Variants in C6orf89 observed in about 807,000 individuals in gnomAD.
C6orf89 encodes bombesin receptor-activated protein C6orf89.
C6orf89 carries 29 observed loss-of-function variants against 40.7 expected under a neutral mutation model. The observed-to-expected ratio is 0.71, with a 90% CI of 0.53 to 0.97. C6orf89 has a LOEUF of 0.97. C6orf89 is among the 50% of genes least tolerant of loss of function. The pLI, the probability that C6orf89 is intolerant of heterozygous loss-of-function variation, is 0.00. For synonymous variants in C6orf89, 165 were observed against 152.2 expected, an observed-to-expected ratio of 1.08 and a Z score of -0.62; for missense variants, 392 against 429.1, an observed-to-expected ratio of 0.91 and a Z score of 0.76.
At chr6:36,876,739 A>AAAGAAG (rs1175385246) in intron 1 of C6orf89, among the ~76,000 whole-genome samples, 1 of 125,536 alleles carries the variant, frequency 8.0e-6, no homozygotes, top group Non-Finnish European at 1.8e-5. Flanking sequence ...AAAAAAAAAA[A>AAAGAAG]AAGAAGAAGA....
intron 7 of C6orf89, among the ~76,000 whole-genome samples, chr6:36,916,974 G>A (rs937136218): frequency 6.6e-5 from 10 of 152,132 alleles, no homozygotes; most frequent in African/African-American, 2.4e-4. Context: ...CACTTGGGGA[G>A]GCTGAGGCAA....
At chr6:36,914,457 C>T (rs575360116) in intron 5 of C6orf89, 22 bp downstream of exon 5, 3 of 1,613,764 alleles carry the variant, frequency 1.9e-6, no homozygotes, top group African/African-American at 2.7e-5. Context: ...CCTGAGTCTC[C>T]CGCTGATTGG....
intron 8 of C6orf89, among the ~76,000 whole-genome samples, chr6:36,923,079 T>A (rs1762565090): frequency 6.6e-6 from 1 of 151,828 alleles, no homozygotes; most frequent in African/African-American, 2.4e-5. Context: ...ACCTGTAATC[T>A]CAGCACTCTG....
At position 36,927,356 on chromosome 6, in the gene C6orf89, G is replaced by T. The variant is rs555582205; in HGVS notation, c.*3915G>T. 1 of 152,164 alleles carries T rather than the reference G, an allele frequency of 6.6e-6. No individual in the cohort carries two copies. Among genetic ancestry groups the T allele is most frequent in the Non-Finnish European group, 1.5e-5 (1 of 68,032 alleles). The allele number at this position is 152,164 out of a possible 1,614,324, so 9.4% of individuals were successfully genotyped here. A position where few individuals can be genotyped will look rare whatever the true frequency, so the allele number is the denominator to read the frequency against. Reference sequence around the variant, plus strand: ...GTTTGCTTATTACCCAGTCACTTTCGTAGTGAATGTTCAAACCCCAAAGCA... The same window carrying T: ...GTTTGCTTATTACCCAGTCACTTTCTTAGTGAATGTTCAAACCCCAAAGCA... On this transcript the variant is annotated 3_prime_UTR_variant, in exon 9 of 9. Coordinates refer to ENST00000480824, the MANE Select transcript of C6orf89 (RefSeq NM_001286635.2).
At chr6:36,900,241 G>T (rs545191005) in intron 3 of C6orf89, among the ~76,000 whole-genome samples, 2 of 148,540 alleles carry the variant, frequency 1.3e-5, no homozygotes, top group East Asian at 4.0e-4. Context: ...ACACTCTGTT[G>T]CCCAGGCTGG....
chr6:36,902,191 G>T, intron 3 of C6orf89, 30 bp from the exon 4 acceptor site: 1 of 1,585,260 alleles, frequency 6.3e-7, no homozygotes, highest in Non-Finnish European at 8.7e-7. Context: ...TGTTTGCTGG[G>T]ATTAATGCCT....
chr6:36,909,514 C>A (rs1483232974), intron 4 of C6orf89, among the ~76,000 whole-genome samples: 1 of 151,872 alleles, frequency 6.6e-6, no homozygotes, highest in African/African-American at 2.4e-5. Context: ...GTTTATAGGC[C>A]ATTTATATTT....
intron 6 of C6orf89, among the ~76,000 whole-genome samples, chr6:36,916,085 C>G (rs894616077): frequency 2.6e-5 from 4 of 152,002 alleles, no homozygotes; most frequent in African/African-American, 9.7e-5. Flanking sequence ...GCTTTTTGTC[C>G]CTTCCTCCTT....
intron 6 of C6orf89, 122 bp from the exon 7 acceptor site, chr6:36,916,323 G>A: frequency 1.9e-6 from 2 of 1,046,246 alleles, no homozygotes; most frequent in Admixed American, 2.1e-5. Context: ...TTAAGATACT[G>A]TACTCATATT....
At chr6:36,893,483 A>G (rs182570525) in intron 1 of C6orf89, among the ~76,000 whole-genome samples, 10 of 152,320 alleles carry the variant, frequency 6.6e-5, no homozygotes, top group African/African-American at 9.6e-5. Context: ...AACTTGAGAA[A>G]TGTGTCATAA....
In C6orf89 at chr6:36,914,605, C is replaced by T. The variant is rs753932392; in HGVS notation, c.607C>T (p.Pro203Ser). The T allele has an allele frequency of 6.8e-6, 11 of 1,614,212 alleles. No individual in the cohort carries two copies. Among genetic ancestry groups the T allele is most frequent in the Non-Finnish European group, 9.3e-6 (11 of 1,180,034 alleles). ...GATTCAGCATTTTTTGTGCCAGTACCCTGAGGCGACAGAAGGCTTCTCTGA... is the reference window on the plus strand; with the variant it reads ...GATTCAGCATTTTTTGTGCCAGTACTCTGAGGCGACAGAAGGCTTCTCTGA... ...EEIQHFLCQY[P>S]EATEGFSEGF... The change falls in exon 6 of 9, where the codon CCT becomes TCT. Residue 203 changes from proline to serine, a missense_variant. Coordinates refer to ENST00000480824, the MANE Select transcript of C6orf89 (RefSeq NM_001286635.2).
At chr6:36,885,904 G>A (rs1245735531), upstream of C6orf89, 2 of 664,450 alleles carry the variant, frequency 3.0e-6, no homozygotes, top group African/African-American at 1.3e-4. Flanking sequence ...AGGGTACAAG[G>A]CCTCGCCCAG....
rs1486288166 is a variant in C6orf89 at position 36,924,971 on chromosome 6, A to G, written c.*1530A>G. The G allele has an allele frequency of 6.6e-6, 1 of 152,174 alleles. No individual in the cohort carries two copies. Among genetic ancestry groups the G allele is most frequent in the Non-Finnish European group, 1.5e-5 (1 of 68,022 alleles). The allele number at this position is 152,174 out of a possible 1,614,324, so 9.4% of individuals were successfully genotyped here. The stretch of plus-strand genomic sequence containing the variant: ...TGGCCTGTTTGTCTATGGGCTTGCA[A>G]AGGACAAGCAGAGTTCACAGAGCTC... On this transcript the variant is annotated 3_prime_UTR_variant, in exon 9 of 9. Coordinates refer to ENST00000480824, the MANE Select transcript of C6orf89 (RefSeq NM_001286635.2).
rs939361685 is a variant in C6orf89, at chr6:36,911,940, C to CG, written c.404-2344_404-2343insG. ...TTCTCATCACAGTGAACCCCCCCCC[C>CG]CCGACCTTTTCCCTAAAAAAGGGCA... On this transcript the variant is annotated intron_variant, in intron 4 of 8. Coordinates refer to ENST00000480824, the MANE Select transcript of C6orf89 (RefSeq NM_001286635.2). Among the ~76,000 whole-genome samples, 5 of 148,216 alleles carry CG rather than the reference C, an allele frequency of 3.4e-5. 1 individual carries two copies. The highest frequency in any genetic ancestry group is 6.0e-5 in the Non-Finnish European group (4 of 66,378).
intron 4 of C6orf89, among the ~76,000 whole-genome samples, chr6:36,906,862 A>G (rs1242370687): frequency 1.3e-5 from 2 of 152,240 alleles, no homozygotes; most frequent in Admixed American, 1.3e-4. Context: ...GAACTTTGTC[A>G]TGGGCTTTGC....
chr6:36,899,595 C>T lies in C6orf89; in HGVS notation c.151C>T (p.Pro51Ser), dbSNP rs1379352943. The change falls in exon 3 of 9, where the codon CCC becomes TCC. Residue 51 changes from proline (P) to serine (S), a missense_variant. Coordinates refer to ENST00000480824, the MANE Select transcript of C6orf89 (RefSeq NM_001286635.2). ...QLLEKNEPQR[P>S]PPQYPLLIVV... is the part of the protein sequence containing the mutation. ...GCTGGAAAAGAATGAACCTCAGAGA[C>T]CCCCCCCGCAGTATCCTCTCCTTAT... The T allele has an allele frequency of 1.3e-5, 21 of 1,609,976 alleles. No individual in the cohort carries two copies. The highest frequency in any genetic ancestry group is 1.7e-5 in the Non-Finnish European group (20 of 1,177,016).
At position 36,913,504 on chromosome 6, in the gene C6orf89, A is replaced by C. The variant is rs78025468; in HGVS notation, c.404-780A>C. ...ACTTGTGAAGCAAGGGTCTATGCAC[A>C]CATCCAGCATGTGTGAGAAGTGCAT... On this transcript the variant is annotated intron_variant, in intron 4 of 8. Transcript: ENST00000480824. Among the ~76,000 whole-genome samples, 900 of 152,284 alleles carry C rather than the reference A, an allele frequency of 5.9e-3. 2 individuals carry two copies. The highest frequency in any genetic ancestry group is 0.011 in the African/African-American group (477 of 41,548).
rs1253749695 is a variant in C6orf89 at position 36,925,099 on chromosome 6, A to G, written c.*1658A>G. On this transcript the variant is annotated 3_prime_UTR_variant, in exon 9 of 9. Transcript: ENST00000480824. ...ATCAACCCCTTGTGTGGATGAATAC[A>G]GGAACAACAAAACTTGTGTACGTAT... 3.3e-5 allele frequency: 5 copies of G among 152,240 alleles called. No homozygotes were observed. Among genetic ancestry groups the G allele is most frequent in the Admixed American group, 3.3e-4 (5 of 15,288 alleles). The allele number at this position is 152,240 out of a possible 1,614,324, so 9.4% of individuals were successfully genotyped here. A position where few individuals can be genotyped will look rare whatever the true frequency, so the allele number is the denominator to read the frequency against.
At position 36,914,712 on chromosome 6, in the gene C6orf89, G is replaced by C. The variant is rs763597351; in HGVS notation, c.695+19G>C. On this transcript the variant is annotated intron_variant, in intron 6 of 8. Coordinates refer to ENST00000480824, the MANE Select transcript of C6orf89 (RefSeq NM_001286635.2). ...ATCCATGGTGAGTGTGAAAAGGGCCGGGCACAGTGGCTCATGCCTGTGATC... is the reference window on the plus strand; with the variant it reads ...ATCCATGGTGAGTGTGAAAAGGGCCCGGCACAGTGGCTCATGCCTGTGATC... 1 of 1,609,554 alleles carries C rather than the reference G, an allele frequency of 6.2e-7. No homozygotes were observed.
Sources: allele counts gnomAD v4.1 joint callset (sites outside exome capture counted in the v4.1 genomes callset), GRCh38; gene constraint gnomAD v4.1.1; transcripts MANE v1.5; gene names NCBI Gene and HGNC (gene_info 2026-07-23, HGNC 2026-07-21).